Variants in QTGAL observed in about 807,000 individuals in gnomAD.
QTGAL encodes queuosine-tRNA galactosyltransferase, also known as BGnT-like protein 1.
chr17:83,009,525 G>T, the QTGAL span, among the ~76,000 whole-genome samples: 1 of 152,234 alleles, frequency 6.6e-6, no homozygotes, highest in Non-Finnish European at 1.5e-5. Context: ...GGCACAGTTT[G>T]CAGGGCCCTT....
chr17:83,031,065 T>TCTAA, the QTGAL span, among the ~76,000 whole-genome samples: 1 of 152,244 alleles, frequency 6.6e-6, no homozygotes, highest in Non-Finnish European at 1.5e-5. Context: ...ATGAATGAGC[T>TCTAA]ATTTAGAGGC....
At chr17:82,997,700 G>A in the QTGAL span, among the ~76,000 whole-genome samples, 1 of 152,160 alleles carries the variant, frequency 6.6e-6, no homozygotes, top group Non-Finnish European at 1.5e-5. Context: ...GTGTATGAAT[G>A]AGATCCTGGC....
At chr17:82,965,696 C>G in the QTGAL span, 1 of 1,612,318 alleles carries the variant, frequency 6.2e-7, no homozygotes, top group African/African-American at 1.3e-5. Flanking sequence ...ACCACGCTCG[C>G]GAGCAGAACC....
chr17:83,039,216 C>T, the QTGAL span, among the ~76,000 whole-genome samples: 1 of 151,464 alleles, frequency 6.6e-6, no homozygotes, highest in East Asian at 2.0e-4. Flanking sequence ...TGAGCGCCCG[C>T]CGCCCGCCCC....
At chr17:82,965,233 C>T in the QTGAL span, among the ~76,000 whole-genome samples, 1,115 of 151,076 alleles carry the variant, frequency 7.4e-3, 11 homozygotes, top group African/African-American at 0.026. Context: ...CCTGCAGGTG[C>T]ACCCCCATGG....
chr17:82,961,092 G>A, the QTGAL span: 16 of 1,610,350 alleles, frequency 9.9e-6, no homozygotes, highest in South Asian at 1.4e-4. Context: ...GTGGGTGGTG[G>A]CGATACAGCA....
At chr17:83,048,946 G>T in the QTGAL span, 1 of 637,204 alleles carries the variant, frequency 1.6e-6, no homozygotes, top group Non-Finnish European at 2.8e-6. Context: ...GATTCTTTAC[G>T]TCTTAGCTTT....
the QTGAL span, chr17:82,942,990 G>A: frequency 2.4e-5 from 4 of 169,156 alleles, no homozygotes; most frequent in Non-Finnish European, 3.8e-5. Flanking sequence ...TTCTGGGCCC[G>A]TCTGCCTGGT....
At chr17:82,998,739 G>A in the QTGAL span, among the ~76,000 whole-genome samples, 1 of 152,144 alleles carries the variant, frequency 6.6e-6, no homozygotes, top group Admixed American at 6.5e-5. Flanking sequence ...GTCTGACAAA[G>A]GACTTGTGTC....
chr17:82,955,801 T>A, the QTGAL span, among the ~76,000 whole-genome samples: 1 of 152,230 alleles, frequency 6.6e-6, no homozygotes, highest in East Asian at 1.9e-4. Flanking sequence ...ATATAGCCCA[T>A]GGAATACTAC....
At chr17:82,942,576 G>A in the QTGAL span, 243 of 1,472,922 alleles carry the variant, frequency 1.6e-4, no homozygotes, top group Non-Finnish European at 2.1e-4. Flanking sequence ...GAAGGGTAGC[G>A]CTGGCCCTTG....
chr17:83,037,982 T>C, the QTGAL span, among the ~76,000 whole-genome samples: 1 of 152,178 alleles, frequency 6.6e-6, no homozygotes, highest in Non-Finnish European at 1.5e-5. This position sits in a 1 kb window ranked among gnomAD's most constrained non-coding sequence, Gnocchi z 5.2. Context: ...CGGCGAGATA[T>C]TAACATTCCT....
At chr17:83,012,558 C>T in the QTGAL span, among the ~76,000 whole-genome samples, 27 of 152,306 alleles carry the variant, frequency 1.8e-4, no homozygotes, top group East Asian at 1.7e-3. Flanking sequence ...TTCCAGCTCA[C>T]GGGCCGGCAC....
chr17:82,985,094 C>T, the QTGAL span, among the ~76,000 whole-genome samples: 3 of 152,230 alleles, frequency 2.0e-5, no homozygotes, highest in Non-Finnish European at 4.4e-5. Context: ...GGGCCTGTCT[C>T]AGACAGGGGC....
chr17:83,011,099 G>A, the QTGAL span, among the ~76,000 whole-genome samples: 1 of 152,250 alleles, frequency 6.6e-6, no homozygotes, highest in Non-Finnish European at 1.5e-5. Context: ...GACCAAGAAT[G>A]CAGGCTTTCC....
chr17:83,000,814 C>T, the QTGAL span, among the ~76,000 whole-genome samples: 5 of 152,182 alleles, frequency 3.3e-5, no homozygotes, highest in East Asian at 1.9e-4. Flanking sequence ...GAGCGAGCCA[C>T]GCATCTGGAC....
the QTGAL span, among the ~76,000 whole-genome samples, chr17:83,031,635 C>T: frequency 2.0e-5 from 3 of 152,342 alleles, no homozygotes; most frequent in Admixed American, 6.5e-5. Context: ...CTAATAGGCT[C>T]GAGGACAAGC....
At chr17:82,956,816 C>T in the QTGAL span, 2 of 1,548,724 alleles carry the variant, frequency 1.3e-6, no homozygotes, top group African/African-American at 2.7e-5. This position sits in a 1 kb window ranked among gnomAD's most constrained non-coding sequence, Gnocchi z 5.7. Flanking sequence ...TGGAGCTTGT[C>T]CCCGGAGAGA....
chr17:82,993,208 A>G, the QTGAL span, among the ~76,000 whole-genome samples: 10 of 152,134 alleles, frequency 6.6e-5, no homozygotes, highest in African/African-American at 9.7e-5. Context: ...AGACCCAATG[A>G]TCTGTTGCCT....
Sources: allele counts gnomAD v4.1 joint callset (sites outside exome capture counted in the v4.1 genomes callset), GRCh38; gene constraint gnomAD v4.1.1; non-coding constraint Gnocchi (gnomAD v3.1); transcripts MANE v1.5; gene names NCBI Gene and HGNC (gene_info 2026-07-23, HGNC 2026-07-21).